The following PDSS2 variants were observed in gnomAD, a reference collection of about 807,000 sequenced individuals.
The protein encoded by PDSS2 is all trans-polyprenyl-diphosphate synthase PDSS2.
PDSS2 carries 31 observed loss-of-function variants against 44.5 expected under a neutral mutation model. That is an observed-to-expected ratio of 0.70 (90% CI 0.52 to 0.94). PDSS2 has a LOEUF of 0.94. PDSS2 is among the 40% of genes least tolerant of loss of function. The probability of loss-of-function intolerance (pLI) is 0.00; values close to 1 mark genes in which losing one functional copy is unlikely to be tolerated. For synonymous variants in PDSS2, 157 were observed against 180.3 expected, an observed-to-expected ratio of 0.87 and a Z score of 1.03; for missense variants, 452 against 482.2, an observed-to-expected ratio of 0.94 and a Z score of 0.59.
At chr6:107,207,994 T>TTTTTTTG (rs1773056297) in intron 6 of PDSS2, among the ~76,000 whole-genome samples, 3 of 146,060 alleles carry the variant, frequency 2.1e-5, no homozygotes, top group Non-Finnish European at 4.5e-5. Context: ...TTTTTTTTTT[T>TTTTTTTG]TTTTTTTATG....
At chr6:107,298,525 T>C (rs141311495) in intron 2 of PDSS2, among the ~76,000 whole-genome samples, 220 of 152,312 alleles carry the variant, frequency 1.4e-3, no homozygotes, top group South Asian at 7.5e-3. Context: ...GATTTTGGTA[T>C]CCAAGTGAGA....
chr6:107,261,907 CT>C (rs58274022), intron 3 of PDSS2, among the ~76,000 whole-genome samples: 78,852 of 117,026 alleles, frequency 0.67, 25,681 homozygotes, highest in South Asian at 0.8. Context: ...TCTTTCTTTT[CT>C]TTTTTTTTTT....
intron 3 of PDSS2, among the ~76,000 whole-genome samples, chr6:107,246,507 T>C (rs1774620047): frequency 6.6e-6 from 1 of 152,216 alleles, no homozygotes; most frequent in Non-Finnish European, 1.5e-5. Context: ...TTCCACTCTT[T>C]GCTTCCGAAA....
rs78396673 is a variant in PDSS2, at chr6:107,238,223, G to A, written c.702+7325C>T. 3.9e-3 allele frequency among the ~76,000 whole-genome samples: 594 copies of A among 152,296 alleles called. 4 individuals are homozygous for A. Among genetic ancestry groups the A allele is most frequent in the African/African-American group, 0.013 (561 of 41,564 alleles). On this transcript the variant is annotated intron_variant, in intron 4 of 7. Transcript: ENST00000369037. Reference sequence around the variant, plus strand: ...AACACCAACATGAGTCAGAGACACTGCCTTTGCAGAGGACCTTGATTAAAT... The same window carrying A: ...AACACCAACATGAGTCAGAGACACTACCTTTGCAGAGGACCTTGATTAAAT...
intron 1 of PDSS2, among the ~76,000 whole-genome samples, chr6:107,429,884 CAAAAAA>C (rs1163895804): frequency 7.4e-4 from 4 of 5,380 alleles, no homozygotes; most frequent in East Asian, 8.9e-3. Flanking sequence ...AACTTAGTCT[CAAAAAA>C]AAAAAAAAAA....
intron 1 of PDSS2, among the ~76,000 whole-genome samples, chr6:107,350,462 A>G (rs1419183913): frequency 2.7e-4 from 41 of 152,248 alleles, no homozygotes; most frequent in Admixed American, 2.7e-3. Context: ...ATTTTCTTAA[A>G]TGAATAAATA....
chr6:107,296,452 A>T lies in PDSS2; in HGVS notation c.432-22225T>A, dbSNP rs182478177. Among the ~76,000 whole-genome samples the T allele has an allele frequency of 2.3e-4, 35 of 152,330 alleles. 1 individual carries two copies. Among genetic ancestry groups the T allele is most frequent in the Admixed American group, 2.0e-3 (31 of 15,296 alleles). On this transcript the variant is annotated intron_variant, in intron 2 of 7. Transcript: ENST00000369037. Reference sequence around the variant, plus strand: ...TTGAAAACACTGGACTCAATGGGGCATGGTGGCTCACGCCCGTAATCCCAG... The same window carrying T: ...TTGAAAACACTGGACTCAATGGGGCTTGGTGGCTCACGCCCGTAATCCCAG...
At chr6:107,191,787 T>C (rs1384600732) in intron 7 of PDSS2, among the ~76,000 whole-genome samples, 2 of 152,142 alleles carry the variant, frequency 1.3e-5, no homozygotes, top group African/African-American at 4.8e-5. Context: ...ATTTTTACAC[T>C]GTTTTGTACA....
At chr6:107,309,486 G>A (rs553328706) in intron 2 of PDSS2, among the ~76,000 whole-genome samples, 1 of 152,292 alleles carries the variant, frequency 6.6e-6, no homozygotes, top group South Asian at 2.1e-4. Flanking sequence ...TAATAATTTA[G>A]ATGGCTCCTA....
At chr6:107,356,436 GAGA>G (rs1290877293) in intron 1 of PDSS2, among the ~76,000 whole-genome samples, 1 of 152,178 alleles carries the variant, frequency 6.6e-6, no homozygotes, top group African/African-American at 2.4e-5. Context: ...CAGGTGTTTG[GAGA>G]AGGAGAAGCT....
chr6:107,412,491 C>T lies in PDSS2; in HGVS notation c.296+46499G>A, dbSNP rs1780536189. 3.3e-5 allele frequency among the ~76,000 whole-genome samples: 5 copies of T among 152,218 alleles called. No individual in the cohort carries two copies. The South Asian group carries it at 8.3e-4, about 25-fold the overall frequency. On this transcript the variant is annotated intron_variant, in intron 1 of 7. Transcript: ENST00000369037. ...TTGACCTCAGGTGATCCACCTGCCT[C>T]GGCCTCCCAAAGTGCTGGGATTACA...
intron 1 of PDSS2, among the ~76,000 whole-genome samples, chr6:107,435,322 ACACACACAC>A (rs1162024267): frequency 6.5e-5 from 9 of 139,448 alleles, no homozygotes; most frequent in African/African-American, 1.1e-4. Flanking sequence ...ACACACACAC[ACACACACAC>A]GATTAAAATG....
chr6:107,216,704 T>C (rs113221085), intron 4 of PDSS2, among the ~76,000 whole-genome samples: 4,256 of 152,178 alleles, frequency 0.028, 83 homozygotes, highest in Non-Finnish European at 0.043. Flanking sequence ...CTGGGCAAAC[T>C]GAAGTTCATA....
chr6:107,306,548 CA>C (rs1454321022), intron 2 of PDSS2, among the ~76,000 whole-genome samples: 1 of 151,944 alleles, frequency 6.6e-6, no homozygotes, highest in Non-Finnish European at 1.5e-5. Flanking sequence ...GTAAATTGCT[CA>C]AAAAAATTGT....
At chr6:107,200,580 A>G (rs959171344) in intron 6 of PDSS2, among the ~76,000 whole-genome samples, 3 of 152,182 alleles carry the variant, frequency 2.0e-5, no homozygotes, top group Non-Finnish European at 2.9e-5. Flanking sequence ...TGTAAACTCC[A>G]TAAGTCTCGA....
At chr6:107,276,067 TGA>T (rs1775769722) in intron 2 of PDSS2, among the ~76,000 whole-genome samples, 1 of 141,034 alleles carries the variant, frequency 7.1e-6, no homozygotes. Flanking sequence ...TATAGTGAAC[TGA>T]CTGCACTATT....
chr6:107,433,405 G>A (rs946231206), intron 1 of PDSS2, among the ~76,000 whole-genome samples: 4 of 152,094 alleles, frequency 2.6e-5, no homozygotes, highest in East Asian at 3.8e-4. Context: ...GCATGGTACT[G>A]GCATAAAAAC....
intron 1 of PDSS2, among the ~76,000 whole-genome samples, chr6:107,409,027 A>G (rs942917193): frequency 2.6e-5 from 4 of 152,210 alleles, no homozygotes; most frequent in African/African-American, 9.6e-5. Context: ...AATTTTCTTA[A>G]TATCTACTTA....
chr6:107,281,563 T>C (rs1006603783), intron 2 of PDSS2, among the ~76,000 whole-genome samples: 1 of 152,246 alleles, frequency 6.6e-6, no homozygotes, highest in African/African-American at 2.4e-5. Flanking sequence ...GGATCTCCTT[T>C]TTCTATTTAA....
Sources: allele counts gnomAD v4.1 joint callset (sites outside exome capture counted in the v4.1 genomes callset), GRCh38; gene constraint gnomAD v4.1.1; transcripts MANE v1.5; gene names NCBI Gene and HGNC (gene_info 2026-07-23, HGNC 2026-07-21).